EBF1: variants seen among roughly 807,000 people sequenced by gnomAD.
The protein encoded by EBF1 is EBF transcription factor 1, also known as transcription factor COE1.
Under a neutral mutation model 68.4 loss-of-function variants are expected in EBF1, and 10 were observed. The ratio of observed to expected loss-of-function variants is 0.15; its 90% CI spans 0.09 to 0.25. The LOEUF (loss-of-function observed/expected upper bound fraction) is 0.25, where lower values mean the gene tolerates loss of function less well. EBF1 is among the 10% of genes least tolerant of loss of function. The probability of loss-of-function intolerance (pLI) is 1.00; values close to 1 mark genes in which losing one functional copy is unlikely to be tolerated. For synonymous variants in EBF1, 298 were observed against 299.8 expected (o/e 0.99, Z 0.06); for missense variants, 509 against 794.4 (o/e 0.64, Z 4.32).
intron 6 of EBF1, among the ~76,000 whole-genome samples, chr5:158,976,344 C>T (rs1025176492): frequency 6.6e-6 from 1 of 151,832 alleles, no homozygotes; most frequent in African/African-American, 2.4e-5. Context: ...TTCCTCCTCC[C>T]CTCAACCCCC....
rs10515770 is a variant in EBF1, at chr5:158,721,339, T to C, written c.1126-7157A>G. Among the ~76,000 whole-genome samples the C allele has an allele frequency of 2.9e-3, 447 of 152,242 alleles. 6 individuals are homozygous for C. The highest frequency in any genetic ancestry group is 0.021 in the Admixed American group (322 of 15,290). ...TAGGTTGTAAGCTAACGCGGCTATA[T>C]CAACGTAAGACATACTAACTTACGT... is the stretch of plus-strand genomic sequence containing the variant. On this transcript the variant is annotated intron_variant, in intron 11 of 15. Transcript: ENST00000313708.
At chr5:158,937,012 G>A (rs1466724618) in intron 6 of EBF1, among the ~76,000 whole-genome samples, 2 of 151,914 alleles carry the variant, frequency 1.3e-5, no homozygotes, top group Non-Finnish European at 2.9e-5. Context: ...GCTTGGCTTG[G>A]AGAATAGGCT....
chr5:158,835,937 A>C (rs1788675246), intron 7 of EBF1, among the ~76,000 whole-genome samples: 1 of 152,222 alleles, frequency 6.6e-6, no homozygotes, highest in Admixed American at 6.5e-5. Context: ...TGTTAGCTTT[A>C]TCATCATCAT....
Position 159,079,374 on chromosome 5 carries a change from C to T in EBF1, c.485+5292G>A, listed in dbSNP as rs533567867. On this transcript the variant is annotated intron_variant, in intron 5 of 15. Coordinates refer to ENST00000313708, the MANE Select transcript of EBF1 (RefSeq NM_024007.5). ...CTAAAATTTTAAAAGGATGCTCCTT[C>T]TTTTCTCTGAGTTAGTTTCTTCACT... Among the ~76,000 whole-genome samples, 3 of 152,180 alleles carry T rather than the reference C, an allele frequency of 2.0e-5. No homozygotes were observed. In the South Asian group the frequency reaches 6.2e-4, roughly 31 times the overall value.
In EBF1 at chr5:158,731,641, T is replaced by C. The variant is rs78047398; in HGVS notation, c.1037-484A>G. On this transcript the variant is annotated intron_variant, in intron 10 of 15. Coordinates refer to ENST00000313708, the MANE Select transcript of EBF1 (RefSeq NM_024007.5). Reference sequence around the variant, plus strand: ...TAAGCATGCAAGAGGCTGGTGAGAGTAGAGGAGAGTGAGTAGAAGTGAATC... The same window carrying C: ...TAAGCATGCAAGAGGCTGGTGAGAGCAGAGGAGAGTGAGTAGAAGTGAATC... Among the ~76,000 whole-genome samples, 634 of 152,096 alleles carry C rather than the reference T, an allele frequency of 4.2e-3. 3 individuals are homozygous for C. Among genetic ancestry groups the C allele is most frequent in the African/African-American group, 0.014 (599 of 41,496 alleles).
intron 6 of EBF1, among the ~76,000 whole-genome samples, chr5:158,969,924 A>AGAAAGAAAGAAAG (rs1561664441): frequency 8.6e-6 from 1 of 115,938 alleles, no homozygotes; most frequent in Non-Finnish European, 1.9e-5. Flanking sequence ...AAGAAAAAAA[A>AGAAAGAAAGAAAG]AAAAAAGGCT....
chr5:158,726,330 A>T (rs1762979419), intron 11 of EBF1, among the ~76,000 whole-genome samples: 1 of 152,144 alleles, frequency 6.6e-6, no homozygotes, highest in African/African-American at 2.4e-5. Context: ...ATAAAAGATG[A>T]ATATAAATGC....
intron 6 of EBF1, among the ~76,000 whole-genome samples, chr5:158,861,393 T>A (rs1424644484): frequency 1.3e-5 from 2 of 152,092 alleles, no homozygotes; most frequent in Non-Finnish European, 2.9e-5. Flanking sequence ...TGAGAACACA[T>A]CTCCTTTTCA....
At chr5:158,741,893 G>C (rs1766490918) in intron 10 of EBF1, among the ~76,000 whole-genome samples, 1 of 152,186 alleles carries the variant, frequency 6.6e-6, no homozygotes, top group African/African-American at 2.4e-5. Context: ...TGTGTGCCAG[G>C]CACTTTATAT....
intron 7 of EBF1, 64 bp from the exon 8 acceptor site, chr5:158,823,381 A>C: frequency 2.4e-5 from 36 of 1,473,382 alleles, no homozygotes; most frequent in Middle Eastern, 1.8e-4. Flanking sequence ...TAATAAACTC[A>C]AGTTAAATAA....
At chr5:159,005,887 A>C (rs546937665) in intron 6 of EBF1, among the ~76,000 whole-genome samples, 1 of 152,332 alleles carries the variant, frequency 6.6e-6, no homozygotes, top group Non-Finnish European at 1.5e-5. Flanking sequence ...CTATAGGTTA[A>C]GAATCCCTGA....
At chr5:159,023,871 G>T (rs1258662577) in intron 6 of EBF1, among the ~76,000 whole-genome samples, 1 of 152,296 alleles carries the variant, frequency 6.6e-6, no homozygotes, top group East Asian at 1.9e-4. Flanking sequence ...TGTGGAGTTG[G>T]AGGAAAGGGT....
intron 6 of EBF1, among the ~76,000 whole-genome samples, chr5:158,951,248 T>C (rs1815901160): frequency 6.6e-6 from 1 of 152,198 alleles, no homozygotes; most frequent in South Asian, 2.1e-4. Flanking sequence ...TGTGATGCCA[T>C]GCGTTTACTA....
intron 6 of EBF1, among the ~76,000 whole-genome samples, chr5:159,017,210 C>T (rs1488744495): frequency 6.6e-6 from 1 of 152,142 alleles, no homozygotes; most frequent in Non-Finnish European, 1.5e-5. Flanking sequence ...GCTCAATAAC[C>T]ACATCTAGCT....
At chr5:159,014,229 C>G (rs985395846) in intron 6 of EBF1, among the ~76,000 whole-genome samples, 1 of 152,142 alleles carries the variant, frequency 6.6e-6, no homozygotes, top group Non-Finnish European at 1.5e-5. Flanking sequence ...AGTTACATGG[C>G]AGGCAGAAGA....
intron 9 of EBF1, among the ~76,000 whole-genome samples, chr5:158,789,915 T>C (rs1417462940): frequency 1.5e-4 from 23 of 152,122 alleles, no homozygotes; most frequent in Admixed American, 1.4e-3. Flanking sequence ...TAGAGATAGA[T>C]AGGAAGAAAG....
intron 9 of EBF1, among the ~76,000 whole-genome samples, chr5:158,789,034 A>T (rs1055217319): frequency 6.6e-6 from 1 of 152,042 alleles, no homozygotes; most frequent in African/African-American, 2.4e-5. Context: ...ATGATTTCTC[A>T]TAAAATTACT....
intron 6 of EBF1, among the ~76,000 whole-genome samples, chr5:159,002,935 C>A (rs1240822066): frequency 2.6e-5 from 4 of 152,196 alleles, no homozygotes; most frequent in Non-Finnish European, 5.9e-5. Flanking sequence ...AAAATCGGTG[C>A]ACATCAAAAG....
At chr5:159,026,015 G>A (rs964425571) in intron 6 of EBF1, among the ~76,000 whole-genome samples, 5 of 152,174 alleles carry the variant, frequency 3.3e-5, no homozygotes, top group African/African-American at 9.7e-5. Context: ...TGTCTGTTAC[G>A]TGAAGGAAGT....
Sources: gnomAD v4.1 joint callset for allele counts (sites outside exome capture counted in the v4.1 genomes callset) on GRCh38, gnomAD v4.1.1 for gene constraint, MANE v1.5 for transcripts, NCBI Gene and HGNC (gene_info 2026-07-23, HGNC 2026-07-21) for gene names.